Variants in HORMAD1 observed in about 807,000 individuals in gnomAD.
HORMAD1 encodes the protein HORMA domain-containing protein 1.
A neutral mutation model predicts 58.2 loss-of-function variants in HORMAD1; 33 were observed. The ratio of observed to expected loss-of-function variants is 0.57; its 90% CI spans 0.43 to 0.76. The LOEUF (loss-of-function observed/expected upper bound fraction) is 0.76, where lower values mean the gene tolerates loss of function less well. Among genes scored for constraint, HORMAD1 ranks in the 30% least tolerant of loss-of-function variants. The probability of loss-of-function intolerance (pLI) is 0.00; values close to 1 mark genes in which losing one functional copy is unlikely to be tolerated. For synonymous variants in HORMAD1, 137 were observed against 144.6 expected (o/e 0.95, Z 0.38); for missense variants, 363 against 462.0 (o/e 0.79, Z 1.96).
rs974917356 is a variant in HORMAD1, at chr1:150,698,299, A to G, written c.*355T>C. 1 of 156,624 alleles carries G rather than the reference A, an allele frequency of 6.4e-6. No individual in the cohort carries two copies. Among genetic ancestry groups the G allele is most frequent in the African/African-American group, 2.4e-5 (1 of 41,632 alleles). The allele number at this position is 156,624 out of a possible 1,614,324, so 9.7% of individuals were successfully genotyped here. A position where few individuals can be genotyped will look rare whatever the true frequency, so the allele number is the denominator to read the frequency against. ...TAACATAAGTAAAAAGTGAATCCAT[A>G]CCAAATTTTAATACCAAAGTAAACA... On this transcript the variant is annotated 3_prime_UTR_variant, in exon 15 of 15. Coordinates refer to ENST00000361824, the MANE Select transcript of HORMAD1 (RefSeq NM_032132.5).
At chr1:150,703,443 T>C (rs749679606) in intron 12 of HORMAD1, 50 bp from the exon 13 acceptor site, 5 of 1,011,322 alleles carry the variant, frequency 4.9e-6, no homozygotes, top group Non-Finnish European at 7.3e-6. Context: ...AATAAAACCT[T>C]TTCATAACAC....
intron 7 of HORMAD1, among the ~76,000 whole-genome samples, chr1:150,710,716 C>G (rs1168683303): frequency 6.6e-6 from 1 of 152,152 alleles, no homozygotes; most frequent in African/African-American, 2.4e-5. Flanking sequence ...CCTCCTGAAG[C>G]CTGAATACTT....
intron 1 of HORMAD1, among the ~76,000 whole-genome samples, chr1:150,719,883 A>C (rs1652193518): frequency 6.6e-6 from 1 of 152,194 alleles, no homozygotes; most frequent in Non-Finnish European, 1.5e-5. Flanking sequence ...ATTGCCTGGC[A>C]AACCCTCTAA....
chr1:150,706,677 G>A lies in HORMAD1; in HGVS notation c.680C>T (p.Thr227Ile). 6.2e-7 allele frequency: 1 copy of A among 1,613,506 alleles called. No homozygotes were observed. Among genetic ancestry groups the A allele is most frequent in the Non-Finnish European group, 8.5e-7 (1 of 1,179,772 alleles). The change falls in exon 10 of 15, where the codon ACC becomes ATC. Residue 227 changes from threonine (T) to isoleucine (I), a missense_variant. By Grantham distance (89) the Thr-to-Ile change is moderately conservative (BLOSUM62 -1). This residue lies in a region of HORMAD1 where 226 missense variants were observed against 257.8 expected (regional missense o/e 0.88). Coordinates refer to ENST00000361824, the MANE Select transcript of HORMAD1 (RefSeq NM_032132.5). ...ATTTTCCATTCGTTCTCTCTCAGTG[G>A]TCACTTTTACTTTGAAGATGTGAAA... ...TPFHIFKVKV[T>I]TERERMENID...
At chr1:150,718,102 G>C (rs1652142294) in intron 2 of HORMAD1, among the ~76,000 whole-genome samples, 1 of 152,068 alleles carries the variant, frequency 6.6e-6, no homozygotes, top group Admixed American at 6.6e-5. Context: ...TCAGTTTAAT[G>C]GTTTTTAGTT....
In HORMAD1 at chr1:150,704,303, T is replaced by C; in HGVS notation, c.845A>G (p.Lys282Arg). 6.3e-7 allele frequency: 1 copy of C among 1,592,948 alleles called. No homozygotes were observed. The highest frequency in any genetic ancestry group is 1.2e-5 in the South Asian group (1 of 86,634). ...DIETKMEEQE[K>R]NPASSELEEP... ...TTCAAGTTCAGAAGATGCAGGGTTT[T>C]TTTCCTGTTCTTCCATTTTAGTTTC... The change falls in exon 11 of 15, where the codon AAA becomes AGA. Residue 282 changes from lysine to arginine, a missense_variant. Coordinates refer to ENST00000361824, the MANE Select transcript of HORMAD1 (RefSeq NM_032132.5).
intron 12 of HORMAD1, 32 bp from the exon 13 acceptor site, chr1:150,703,425 C>A: frequency 8.2e-7 from 1 of 1,216,412 alleles, no homozygotes; most frequent in Non-Finnish European, 1.2e-6. Context: ...AAAAATATAA[C>A]TTAGTATAAT....
intron 10 of HORMAD1, among the ~76,000 whole-genome samples, chr1:150,705,429 G>A (rs1286745633): frequency 2.6e-5 from 4 of 152,046 alleles, no homozygotes; most frequent in Admixed American, 2.0e-4. Context: ...GGAAGCTGAG[G>A]CAGGAGAATC....
intron 13 of HORMAD1, among the ~76,000 whole-genome samples, chr1:150,701,266 T>C (rs1651528111): frequency 6.6e-6 from 1 of 152,200 alleles, no homozygotes; most frequent in Non-Finnish European, 1.5e-5. Context: ...TTATTCATCC[T>C]ACATATAAAC....
chr1:150,719,412 G>C, intron 2 of HORMAD1, 61 bp downstream of exon 2: 1 of 1,033,538 alleles, frequency 9.7e-7, no homozygotes, highest in South Asian at 1.4e-5. Context: ...GAGTATTTGA[G>C]ACTTCAAGAA....
intron 2 of HORMAD1, among the ~76,000 whole-genome samples, chr1:150,718,891 G>A (rs998772581): frequency 6.6e-6 from 1 of 152,208 alleles, no homozygotes; most frequent in African/African-American, 2.4e-5. Context: ...CAACAAAGCA[G>A]TATTCATTAA....
intron 7 of HORMAD1, 67 bp from the exon 8 acceptor site, chr1:150,709,028 GT>G (rs1172270362): frequency 2.5e-6 from 2 of 785,812 alleles, no homozygotes; most frequent in Non-Finnish European, 4.5e-6. Context: ...GCTATATTCT[GT>G]TTTGTATGAC....
intron 3 of HORMAD1, among the ~76,000 whole-genome samples, chr1:150,716,058 T>C (rs1652063959): frequency 6.6e-6 from 1 of 151,410 alleles, no homozygotes; most frequent in Non-Finnish European, 1.5e-5. Context: ...TAGAACATTA[T>C]TCAGCAACAA....
intron 13 of HORMAD1, among the ~76,000 whole-genome samples, chr1:150,701,279 G>A (rs1651528727): frequency 6.6e-6 from 1 of 152,090 alleles, no homozygotes; most frequent in Admixed American, 6.5e-5. Context: ...ATATAAACTG[G>A]CTAGGATGAA....
At position 150,700,270 on chromosome 1, in the gene HORMAD1, ATATTTATT is replaced by A. The variant is rs780188844; in HGVS notation, c.1033-95_1033-88del. 3 of 728,910 alleles carry A rather than the reference ATATTTATT, an allele frequency of 4.1e-6. No homozygotes were observed. The South Asian group carries it at 4.7e-5, about 11-fold the overall frequency. 45.2% of individuals were successfully genotyped at this position (728,910 alleles called of 1,614,324 possible). On this transcript the variant is annotated intron_variant, in intron 13 of 14. Coordinates refer to ENST00000361824, the MANE Select transcript of HORMAD1 (RefSeq NM_032132.5). ...TTTCAATCTTATGCAACGATATGCA[ATATTTATT>A]TATTTATTTACTTTTTAGGGACAGG...
At chr1:150,719,574 AT>A (rs941367238) in intron 1 of HORMAD1, 36 bp from the exon 2 acceptor site, 26 of 1,053,046 alleles carry the variant, frequency 2.5e-5, no homozygotes, top group African/African-American at 2.3e-4. Flanking sequence ...CTTAGAGCTC[AT>A]TTTTTTCCTC....
chr1:150,704,074 C>T (rs757561435), intron 12 of HORMAD1, 44 bp downstream of exon 12: 1 of 1,316,836 alleles, frequency 7.6e-7, no homozygotes, highest in African/African-American at 1.5e-5. Flanking sequence ...AAGCAACTGT[C>T]CTGTGAACAA....
chr1:150,713,497 C>T (rs1651965902), intron 5 of HORMAD1, among the ~76,000 whole-genome samples: 1 of 151,858 alleles, frequency 6.6e-6, no homozygotes, highest in South Asian at 2.1e-4. Flanking sequence ...GATGGTGCCA[C>T]TGCATTCCAG....
At chr1:150,716,440 G>A (rs1406742514) in intron 3 of HORMAD1, among the ~76,000 whole-genome samples, 1 of 151,364 alleles carries the variant, frequency 6.6e-6, no homozygotes, top group Non-Finnish European at 1.5e-5. Flanking sequence ...GATTACAGGC[G>A]TGAGCCACTG....
Sources: allele counts gnomAD v4.1 joint callset (sites outside exome capture counted in the v4.1 genomes callset), GRCh38; gene constraint gnomAD v4.1.1; regional missense constraint gnomAD v4.1.1; transcripts MANE v1.5; gene names NCBI Gene and HGNC (gene_info 2026-07-23, HGNC 2026-07-21).